Variants in CTNNA3 observed in about 807,000 individuals in gnomAD.
CTNNA3 encodes the protein catenin alpha-3.
In CTNNA3, 76 loss-of-function variants were observed where a neutral mutation model predicts 95.7. The observed-to-expected ratio is 0.79, with a 90% CI of 0.66 to 0.96. CTNNA3 has a LOEUF of 0.96. Ranked by LOEUF, CTNNA3 falls within the 40% of genes least tolerant of loss-of-function variation. CTNNA3 has a pLI of 0.00. For synonymous variants in CTNNA3, 431 were observed against 374.4 expected, an observed-to-expected ratio of 1.15 and a Z score of -1.74; for missense variants, 1,191 against 1,089.8, an observed-to-expected ratio of 1.09 and a Z score of -1.31.
At chr10:66,385,147 C>T (rs1225639694) in intron 11 of CTNNA3, among the ~76,000 whole-genome samples, 1 of 152,024 alleles carries the variant, frequency 6.6e-6, no homozygotes. Context: ...TCAATGAATC[C>T]AGGAGCTGGT....
intron 10 of CTNNA3, among the ~76,000 whole-genome samples, chr10:66,560,884 T>C (rs966340108): frequency 2.6e-5 from 4 of 151,946 alleles, no homozygotes; most frequent in Non-Finnish European, 4.4e-5. Flanking sequence ...TTCTCGGCCA[T>C]GTGAGAAACT....
intron 13 of CTNNA3, among the ~76,000 whole-genome samples, chr10:66,272,219 A>G (rs2091297560): frequency 6.6e-6 from 1 of 152,322 alleles, no homozygotes; most frequent in Middle Eastern, 3.4e-3. Context: ...TCCTGACACT[A>G]GAAAAGAGTC....
At chr10:67,549,250 G>C (rs1840942987) in intron 3 of CTNNA3, among the ~76,000 whole-genome samples, 2 of 152,030 alleles carry the variant, frequency 1.3e-5, no homozygotes, top group African/African-American at 4.8e-5. Flanking sequence ...TTATAATGAA[G>C]CAGTAGAAAA....
At chr10:67,399,047 T>A (rs1305479703) in intron 5 of CTNNA3, among the ~76,000 whole-genome samples, 2 of 152,024 alleles carry the variant, frequency 1.3e-5, no homozygotes, top group Non-Finnish European at 2.9e-5. Context: ...TGGATTATCA[T>A]GAAGGCCTTC....
intron 5 of CTNNA3, among the ~76,000 whole-genome samples, chr10:67,227,651 C>A (rs1864988779): frequency 6.6e-6 from 1 of 152,056 alleles, no homozygotes; most frequent in South Asian, 2.1e-4. Flanking sequence ...GACAAAAAGT[C>A]AACAAAGGAA....
intron 7 of CTNNA3, among the ~76,000 whole-genome samples, chr10:66,835,296 A>AGAGCAATGTCTAGAACAG (rs1842850903): frequency 6.6e-6 from 1 of 152,204 alleles, no homozygotes; most frequent in South Asian, 2.1e-4. Context: ...AAGATGTTCT[A>AGAGCAATGTCTAGAACAG]GAGCAATGTC....
At chr10:67,611,174 T>C (rs1296758568) in intron 2 of CTNNA3, among the ~76,000 whole-genome samples, 2 of 152,356 alleles carry the variant, frequency 1.3e-5, no homozygotes, top group East Asian at 1.9e-4. Context: ...AAGGTTTTTA[T>C]AGATTTTCCA....
intron 7 of CTNNA3, among the ~76,000 whole-genome samples, chr10:67,066,408 A>G (rs2131833545): frequency 6.6e-6 from 1 of 151,684 alleles, no homozygotes; most frequent in South Asian, 2.1e-4. Context: ...GGCCAGGATG[A>G]TCTCGATCTC....
At chr10:66,560,529 CTATTGTTTTA>C (rs1431986278) in intron 10 of CTNNA3, among the ~76,000 whole-genome samples, 1 of 152,034 alleles carries the variant, frequency 6.6e-6, no homozygotes. Context: ...TACACCATTG[CTATTGTTTTA>C]TCATGACTTT....
Position 67,581,316 on chromosome 10 carries a change from T to C in CTNNA3, c.292+25541A>G, listed in dbSNP as rs527261427. Reference sequence around the variant, plus strand: ...GCCTTTTCTGCATCTATTGAGATAATAATGTGGTTTTTGTCTTTGGTTCTG... The same window carrying C: ...GCCTTTTCTGCATCTATTGAGATAACAATGTGGTTTTTGTCTTTGGTTCTG... On this transcript the variant is annotated intron_variant, in intron 3 of 17. Coordinates refer to ENST00000433211, the MANE Select transcript of CTNNA3 (RefSeq NM_013266.4). 1.6e-4 allele frequency among the ~76,000 whole-genome samples: 25 copies of C among 152,348 alleles called. No homozygotes were observed. In the South Asian group the frequency reaches 1.7e-3, roughly 10 times the overall value.
chr10:66,768,470 G>A (rs931366173), intron 8 of CTNNA3, among the ~76,000 whole-genome samples: 1 of 152,112 alleles, frequency 6.6e-6, no homozygotes, highest in Admixed American at 6.6e-5. Context: ...AAGAAACAAA[G>A]AGACAAATTA....
rs151310913 is a variant in CTNNA3 at position 65,912,831 on chromosome 10, T to C, written c.*7499A>G. ...TGGATAAATATTTCATTTTTATTGA[T>C]TGGCAAAAATACTTTAAGGATAAAT... On this transcript the variant is annotated 3_prime_UTR_variant, in exon 18 of 18. Transcript: ENST00000433211. 35 of 152,164 alleles carry C rather than the reference T, an allele frequency of 2.3e-4. 1 individual carries two copies. Among genetic ancestry groups the C allele is most frequent in the African/African-American group, 8.0e-4 (33 of 41,446 alleles). 9.4% of individuals were successfully genotyped at this position (152,164 alleles called of 1,614,324 possible).
At chr10:67,398,530 T>C in intron 5 of CTNNA3, among the ~76,000 whole-genome samples, 1 of 152,172 alleles carries the variant, frequency 6.6e-6, no homozygotes, top group East Asian at 1.9e-4. Flanking sequence ...TTTGGACTTG[T>C]ACTTTTGGGT....
intron 5 of CTNNA3, among the ~76,000 whole-genome samples, chr10:67,505,840 C>T (rs1388926070): frequency 6.6e-6 from 1 of 152,052 alleles, no homozygotes; most frequent in Non-Finnish European, 1.5e-5. Flanking sequence ...AACTGTAGTG[C>T]TACCAGGTGC....
intron 5 of CTNNA3, among the ~76,000 whole-genome samples, chr10:67,347,964 G>A (rs949240857): frequency 2.6e-5 from 4 of 151,830 alleles, no homozygotes; most frequent in African/African-American, 7.3e-5. Flanking sequence ...CCTGTACTCT[G>A]CTTCACCAAA....
chr10:66,472,079 A>G (rs1839156092), intron 11 of CTNNA3, among the ~76,000 whole-genome samples: 1 of 152,030 alleles, frequency 6.6e-6, no homozygotes, highest in Admixed American at 6.6e-5. Flanking sequence ...GCTTTTAACT[A>G]ATCTCTCAAT....
chr10:66,331,480 T>C (rs895144171), intron 12 of CTNNA3, among the ~76,000 whole-genome samples: 110 of 150,344 alleles, frequency 7.3e-4, no homozygotes, highest in Non-Finnish European at 1.2e-3. Context: ...CAGCCTCCCG[T>C]GTAGCTGGGA....
chr10:66,672,051 CT>C (rs1846679415), intron 9 of CTNNA3, among the ~76,000 whole-genome samples: 1 of 152,090 alleles, frequency 6.6e-6, no homozygotes, highest in South Asian at 2.1e-4. Flanking sequence ...GGCAAACAGC[CT>C]TGGCCTCAGT....
At chr10:65,951,805 G>A (rs2133209841) in intron 17 of CTNNA3, among the ~76,000 whole-genome samples, 1 of 152,216 alleles carries the variant, frequency 6.6e-6, no homozygotes, top group Non-Finnish European at 1.5e-5. Flanking sequence ...CGAGGTGAGC[G>A]GACCACGAGG....
Sources: gnomAD v4.1 joint callset for allele counts (sites outside exome capture counted in the v4.1 genomes callset) on GRCh38, gnomAD v4.1.1 for gene constraint, MANE v1.5 for transcripts, NCBI Gene and HGNC (gene_info 2026-07-23, HGNC 2026-07-21) for gene names.